Variants in AGBL1 observed in about 807,000 individuals in gnomAD.
AGBL1 encodes cytosolic carboxypeptidase 4.
Under a neutral mutation model 118.9 loss-of-function variants are expected in AGBL1, and 130 were observed. The observed-to-expected ratio is 1.09, with a 90% CI of 0.95 to 1.26. The LOEUF is 1.26. Ranked by LOEUF, AGBL1 falls within the 50% of genes most tolerant of loss-of-function variation. AGBL1 has a pLI of 0.00. For synonymous variants in AGBL1, 555 were observed against 478.9 expected, an observed-to-expected ratio of 1.16 and a Z score of -2.08; for missense variants, 1,584 against 1,298.1, an observed-to-expected ratio of 1.22 and a Z score of -3.38.
At chr15:86,379,711 G>A (rs1365737347) in intron 17 of AGBL1, among the ~76,000 whole-genome samples, 1 of 152,180 alleles carries the variant, frequency 6.6e-6, no homozygotes, top group African/African-American at 2.4e-5. Context: ...GCCATAGAGA[G>A]TGGGCAGAGT....
At chr15:86,633,324 G>A (rs1010945779) in intron 21 of AGBL1, among the ~76,000 whole-genome samples, 1 of 152,098 alleles carries the variant, frequency 6.6e-6, no homozygotes, top group Non-Finnish European at 1.5e-5. Context: ...TAGTTTTGCT[G>A]TGTTTGGTTG....
chr15:87,017,092 G>A (rs996052207), intron 24 of AGBL1, among the ~76,000 whole-genome samples: 11 of 152,110 alleles, frequency 7.2e-5, no homozygotes, highest in African/African-American at 2.4e-4. Context: ...ACACTGGCTT[G>A]GAATTCCAGC....
At position 86,885,497 on chromosome 15, in the gene AGBL1, A is replaced by G. The variant is rs2079957359; in HGVS notation, c.3159-21590A>G. On this transcript the variant is annotated intron_variant, in intron 22 of 22. Transcript: ENST00000614907. ...ACCTACTTAAAAGTAAAAAAGAGTG[A>G]CACTCTCTATATCATGTTATATTTA... 2.0e-5 allele frequency among the ~76,000 whole-genome samples: 3 copies of G among 152,222 alleles called. No homozygotes were observed. In the South Asian group the frequency reaches 6.2e-4, roughly 32 times the overall value.
At chr15:86,969,653 A>G (rs2081088083) in intron 23 of AGBL1, among the ~76,000 whole-genome samples, 1 of 151,966 alleles carries the variant, frequency 6.6e-6, no homozygotes, top group Admixed American at 6.6e-5. Context: ...ATGTGTTGGT[A>G]TATGTGGGTG....
chr15:86,637,337 G>A (rs2437789), intron 21 of AGBL1, among the ~76,000 whole-genome samples: 121,898 of 151,984 alleles, frequency 0.8, 49,136 homozygotes, highest in East Asian at 0.93. Flanking sequence ...AATGACCTGG[G>A]TGAAGGAGGA....
intron 22 of AGBL1, among the ~76,000 whole-genome samples, chr15:86,727,441 A>G (rs1005330885): frequency 4.6e-5 from 7 of 152,154 alleles, no homozygotes; most frequent in Non-Finnish European, 8.8e-5. Context: ...TTTGATTCCC[A>G]TTCTATGTTT....
intron 22 of AGBL1, among the ~76,000 whole-genome samples, chr15:86,896,794 C>A (rs963852950): frequency 4.6e-5 from 7 of 152,230 alleles, no homozygotes; most frequent in African/African-American, 9.6e-5. Flanking sequence ...TTGTAAACAT[C>A]ATTTCCAGAT....
In AGBL1 at chr15:86,367,990, G is replaced by C. The variant is rs115709211; in HGVS notation, c.2375-29376G>C. On this transcript the variant is annotated intron_variant, in intron 17 of 22. Transcript: ENST00000614907. ...ACATGGGTTAGGGTTCTAGAGTCAGGCTCACTATTTGATGTCAGAGTCTGG... is the reference window on the plus strand; with the variant it reads ...ACATGGGTTAGGGTTCTAGAGTCAGCCTCACTATTTGATGTCAGAGTCTGG... Among the ~76,000 whole-genome samples the C allele has an allele frequency of 2.0e-3, 311 of 152,166 alleles. 1 individual carries two copies. The highest frequency in any genetic ancestry group is 7.3e-3 in the African/African-American group (304 of 41,496).
At chr15:86,139,606 A>G (rs192886499) in intron 1 of AGBL1, among the ~76,000 whole-genome samples, 41 of 150,796 alleles carry the variant, frequency 2.7e-4, no homozygotes, top group Non-Finnish European at 8.9e-5. Flanking sequence ...TGAAAACACA[A>G]TCAATCTCCT....
chr15:86,648,315 G>C (rs2085319384), intron 21 of AGBL1, among the ~76,000 whole-genome samples: 1 of 152,188 alleles, frequency 6.6e-6, no homozygotes, highest in Non-Finnish European at 1.5e-5. Flanking sequence ...CTAGACTTGA[G>C]AGTGGTGAGG....
At chr15:86,285,696 A>G (rs1024722706) in intron 16 of AGBL1, among the ~76,000 whole-genome samples, 7 of 152,212 alleles carry the variant, frequency 4.6e-5, no homozygotes, top group Admixed American at 4.6e-4. Flanking sequence ...CAGTGAGCTT[A>G]AGCTAAGAGA....
At chr15:86,964,406 C>T (rs1258756953) in intron 23 of AGBL1, among the ~76,000 whole-genome samples, 1 of 151,870 alleles carries the variant, frequency 6.6e-6, no homozygotes, top group Non-Finnish European at 1.5e-5. Context: ...CCCACCACTA[C>T]CCCCACTGTG....
intron 21 of AGBL1, among the ~76,000 whole-genome samples, chr15:86,633,846 A>ACT (rs2085028107): frequency 8.4e-5 from 3 of 35,836 alleles, no homozygotes; most frequent in Admixed American, 2.6e-4. Flanking sequence ...TATATATATA[A>ACT]TGTATATATA....
chr15:86,883,060 G>A (rs2079918194), intron 22 of AGBL1, among the ~76,000 whole-genome samples: 2 of 152,206 alleles, frequency 1.3e-5, no homozygotes, highest in East Asian at 3.9e-4. Flanking sequence ...GAAAATATTG[G>A]TATTGCATTA....
chr15:86,095,395 C>G (rs1427611720), intron 1 of AGBL1, among the ~76,000 whole-genome samples: 1 of 152,038 alleles, frequency 6.6e-6, no homozygotes, highest in Admixed American at 6.6e-5. Context: ...AACCAGAGTC[C>G]ATCCTGAATC....
At chr15:86,509,782 A>G (rs1291483036) in intron 18 of AGBL1, among the ~76,000 whole-genome samples, 1 of 151,976 alleles carries the variant, frequency 6.6e-6, no homozygotes, top group Non-Finnish European at 1.5e-5. Flanking sequence ...TAGAATTAGC[A>G]TTTTCAAAGG....
intron 5 of AGBL1, among the ~76,000 whole-genome samples, chr15:86,209,928 G>C (rs2078062311): frequency 6.6e-6 from 1 of 152,126 alleles, no homozygotes; most frequent in Non-Finnish European, 1.5e-5. Flanking sequence ...TTTACAATTT[G>C]GCATGTTTTT....
chr15:86,599,359 C>CACTG (rs2084459999), intron 21 of AGBL1, among the ~76,000 whole-genome samples: 1 of 151,872 alleles, frequency 6.6e-6, no homozygotes, highest in African/African-American at 2.4e-5. Flanking sequence ...GCCATAAAGC[C>CACTG]CAGGGACAAA....
chr15:86,310,789 G>T (rs2079908932), intron 17 of AGBL1, among the ~76,000 whole-genome samples: 1 of 152,174 alleles, frequency 6.6e-6, no homozygotes, highest in Non-Finnish European at 1.5e-5. Flanking sequence ...GAGAGTGCTA[G>T]CAAACTGGGA....
Sources: gnomAD v4.1 joint callset for allele counts (sites outside exome capture counted in the v4.1 genomes callset) on GRCh38, gnomAD v4.1.1 for gene constraint, MANE v1.5 for transcripts, NCBI Gene and HGNC (gene_info 2026-07-23, HGNC 2026-07-21) for gene names.